CNIH3: variants seen among roughly 807,000 people sequenced by gnomAD.
CNIH3 encodes cornichon family AMPA receptor auxiliary protein 3, also known as protein cornichon homolog 3.
A neutral mutation model predicts 24.1 loss-of-function variants in CNIH3; 14 were observed. That is an observed-to-expected ratio of 0.58 (90% CI 0.38 to 0.91). The LOEUF (loss-of-function observed/expected upper bound fraction) is 0.91. CNIH3 is among the 40% of genes least tolerant of loss of function. CNIH3 has a pLI of 0.00. For missense variants in CNIH3, 178 were observed against 196.8 expected, an observed-to-expected ratio of 0.90 and a Z score of 0.57; for synonymous variants, 68 against 73.8, an observed-to-expected ratio of 0.92 and a Z score of 0.40.
chr1:224,439,112 G>A (rs1381930107), intron 1 of CNIH3, among the ~76,000 whole-genome samples: 1 of 152,132 alleles, frequency 6.6e-6, no homozygotes. Context: ...CCATGAGTGG[G>A]TGAAGGGCAT....
intron 1 of CNIH3, among the ~76,000 whole-genome samples, chr1:224,507,020 C>T (rs1572381247): frequency 1.3e-5 from 2 of 152,106 alleles, no homozygotes; most frequent in Non-Finnish European, 1.5e-5. Flanking sequence ...TGAGCCACCA[C>T]ACCTGGCTAA....
intron 1 of CNIH3, among the ~76,000 whole-genome samples, chr1:224,451,572 T>A (rs1469018668): frequency 6.6e-6 from 1 of 152,242 alleles, no homozygotes; most frequent in African/African-American, 2.4e-5. Flanking sequence ...TGTTCCTGGT[T>A]ATTCTTGTGA....
intron 3 of CNIH3, among the ~76,000 whole-genome samples, chr1:224,608,770 G>T (rs1264919889): frequency 2.0e-5 from 3 of 152,136 alleles, no homozygotes; most frequent in Non-Finnish European, 4.4e-5. Flanking sequence ...CTTCCCTTGG[G>T]GTGGGCTGTC....
chr1:224,567,444 A>G (rs917909601), intron 4 of CNIH3, among the ~76,000 whole-genome samples: 1 of 152,216 alleles, frequency 6.6e-6, no homozygotes, highest in Non-Finnish European at 1.5e-5. Flanking sequence ...GTCTTTGCCC[A>G]TGCCTGTGTC....
At chr1:224,541,137 T>G (rs1057424502), downstream of CNIH3, among the ~76,000 whole-genome samples, 2 of 152,220 alleles carry the variant, frequency 1.3e-5, no homozygotes, top group Non-Finnish European at 2.9e-5. Context: ...CTGAAATTTA[T>G]TAAGAAAGGT....
intron 3 of CNIH3, among the ~76,000 whole-genome samples, chr1:224,547,910 C>CT (rs1448748981): frequency 1.3e-5 from 2 of 151,450 alleles, no homozygotes; most frequent in African/African-American, 4.9e-5. Flanking sequence ...TTTATAGTAT[C>CT]TAAGAGAGAT....
At chr1:224,484,097 A>G (rs1676927509) in intron 1 of CNIH3, among the ~76,000 whole-genome samples, 1 of 151,328 alleles carries the variant, frequency 6.6e-6, no homozygotes, top group Admixed American at 6.6e-5. Flanking sequence ...ATTGAACCCA[A>G]GAAGTGGAGG....
chr1:224,573,600 G>A (rs1455402880), intron 4 of CNIH3, among the ~76,000 whole-genome samples: 1 of 152,216 alleles, frequency 6.6e-6, no homozygotes, highest in Non-Finnish European at 1.5e-5. Flanking sequence ...CTAGGTAATA[G>A]TAGTTCAGCA....
intron 1 of CNIH3, among the ~76,000 whole-genome samples, chr1:224,478,605 G>A (rs1112556): frequency 0.83 from 126,177 of 152,114 alleles, 52,762 homozygotes; most frequent in East Asian, 0.97. Context: ...TTTGAATTCC[G>A]TCTGAAAGGT....
At chr1:224,662,568 A>C (rs1479561897) in intron 1 of CNIH3, among the ~76,000 whole-genome samples, 3 of 152,266 alleles carry the variant, frequency 2.0e-5, no homozygotes, top group Non-Finnish European at 4.4e-5. Flanking sequence ...TATGTTGACA[A>C]CATGAAAACA....
upstream of CNIH3, among the ~76,000 whole-genome samples, chr1:224,612,369 G>T (rs895196994): frequency 6.6e-6 from 1 of 152,030 alleles, no homozygotes; most frequent in Non-Finnish European, 1.5e-5. This position sits in a 1 kb window ranked among gnomAD's most constrained non-coding sequence, Gnocchi z 4.7. Flanking sequence ...TATGCTTTTA[G>T]GGGCATTTCT....
At position 224,507,436 on chromosome 1, in the gene CNIH3, T is replaced by C. The variant is rs1012416419; in HGVS notation, n.204-8305T>C. ...TCTGGGGTTTGTTCTGAGAATTACA[T>C]TAAATGGGTTAATATTTTTAAGGTG... On this transcript the variant is annotated intron_variant and non_coding_transcript_variant, in intron 1 of 5. Transcript: ENST00000471578. 7.2e-5 allele frequency among the ~76,000 whole-genome samples: 11 copies of C among 152,200 alleles called. No individual in the cohort carries two copies. The South Asian group carries it at 8.3e-4, about 11-fold the overall frequency.
At chr1:224,701,815 A>G (rs899737789) in intron 3 of CNIH3, among the ~76,000 whole-genome samples, 1 of 152,230 alleles carries the variant, frequency 6.6e-6, no homozygotes, top group Admixed American at 6.5e-5. Flanking sequence ...AAGCTAGTAC[A>G]TGCAAAGCTG....
intron 1 of CNIH3, among the ~76,000 whole-genome samples, chr1:224,452,824 A>T (rs953514344): frequency 1.0e-4 from 15 of 146,122 alleles, no homozygotes; most frequent in African/African-American, 3.5e-4. Context: ...CCAAAAGAAG[A>T]TAGCTTAAGA....
chr1:224,557,924 C>T (rs1202966541), intron 3 of CNIH3, among the ~76,000 whole-genome samples: 1 of 152,242 alleles, frequency 6.6e-6, no homozygotes, highest in East Asian at 1.9e-4. Flanking sequence ...ATATCATTAT[C>T]CCCATTTTAC....
At chr1:224,463,777 T>TTTA (rs1676037503) in intron 1 of CNIH3, among the ~76,000 whole-genome samples, 7 of 17,882 alleles carry the variant, frequency 3.9e-4, no homozygotes, top group Admixed American at 1.1e-3. Context: ...GTCCTCATTT[T>TTTA]TTTTTTTTTT....
intron 1 of CNIH3, among the ~76,000 whole-genome samples, chr1:224,456,895 T>A (rs919018598): frequency 7.9e-5 from 12 of 152,198 alleles, no homozygotes; most frequent in African/African-American, 2.9e-4. Context: ...AAGAGGCTTG[T>A]GTGGGAGTCG....
At chr1:224,683,586 G>C (rs552043946) in intron 2 of CNIH3, among the ~76,000 whole-genome samples, 1 of 152,210 alleles carries the variant, frequency 6.6e-6, no homozygotes, top group South Asian at 2.1e-4. Context: ...CTCTCAATGA[G>C]GGCATGAGGC....
intron 3 of CNIH3, among the ~76,000 whole-genome samples, chr1:224,722,625 G>A (rs574526607): frequency 6.6e-6 from 1 of 152,154 alleles, no homozygotes; most frequent in South Asian, 2.1e-4. Context: ...TAGAAAGGGG[G>A]ACTCTTAGGC....
Sources: gnomAD v4.1 joint callset for allele counts (sites outside exome capture counted in the v4.1 genomes callset) on GRCh38, gnomAD v4.1.1 for gene constraint, Gnocchi (gnomAD v3.1) non-coding constraint, MANE v1.5 for transcripts, NCBI Gene and HGNC (gene_info 2026-07-23, HGNC 2026-07-21) for gene names.